The following SLC41A2 variants were observed in gnomAD, a reference collection of about 807,000 sequenced individuals.
SLC41A2 encodes solute carrier family 41 member 2, also known as SLC41A1-like 1.
Under a neutral mutation model 58.3 loss-of-function variants are expected in SLC41A2, and 32 were observed. That is an observed-to-expected ratio of 0.55 (90% CI 0.41 to 0.74). SLC41A2 has a LOEUF of 0.74. Ranked by LOEUF, SLC41A2 falls within the 30% of genes least tolerant of loss-of-function variation. The pLI, the probability that SLC41A2 is intolerant of heterozygous loss-of-function variation, is 0.00. For missense variants in SLC41A2, 514 were observed against 680.6 expected, an observed-to-expected ratio of 0.76 and a Z score of 2.72; for synonymous variants, 190 against 235.0, an observed-to-expected ratio of 0.81 and a Z score of 1.75.
chr12:104,832,148 A>T (rs1294330851), intron 10 of SLC41A2, among the ~76,000 whole-genome samples: 1 of 152,198 alleles, frequency 6.6e-6, no homozygotes. Flanking sequence ...CTATTAACCC[A>T]AGATTCTCAG....
chr12:104,910,136 C>G (rs2046019572), intron 2 of SLC41A2, among the ~76,000 whole-genome samples: 1 of 152,150 alleles, frequency 6.6e-6, no homozygotes, highest in Non-Finnish European at 1.5e-5. Flanking sequence ...AATCTTGCTT[C>G]CAATACTAAT....
intron 1 of SLC41A2, among the ~76,000 whole-genome samples, chr12:104,944,772 T>C (rs1409045801): frequency 6.6e-6 from 1 of 152,154 alleles, no homozygotes; most frequent in Non-Finnish European, 1.5e-5. Flanking sequence ...ACTACCCTTC[T>C]TTCCCAGATT....
intron 8 of SLC41A2, among the ~76,000 whole-genome samples, chr12:104,856,091 C>A (rs2043011205): frequency 6.6e-6 from 1 of 152,164 alleles, no homozygotes; most frequent in Admixed American, 6.5e-5. Context: ...TAAGCATCTG[C>A]ATTTCTAATA....
intron 1 of SLC41A2, among the ~76,000 whole-genome samples, chr12:104,929,794 G>T (rs960145292): frequency 6.6e-6 from 1 of 152,212 alleles, no homozygotes; most frequent in Non-Finnish European, 1.5e-5. Flanking sequence ...ACTGGACTGC[G>T]TTCCTGCCAA....
At chr12:104,851,759 G>T (rs1458775038) in intron 8 of SLC41A2, 3 of 152,198 alleles carry the variant, frequency 2.0e-5, no homozygotes, top group East Asian at 1.9e-4. Flanking sequence ...GAAGTTAGAG[G>T]TGACTATCTT....
intron 10 of SLC41A2, among the ~76,000 whole-genome samples, chr12:104,817,793 G>A (rs758507430): frequency 7.9e-5 from 12 of 151,236 alleles, no homozygotes; most frequent in Admixed American, 2.0e-4. Context: ...GATAACTAGC[G>A]TACACACTAG....
intron 4 of SLC41A2, among the ~76,000 whole-genome samples, chr12:104,892,521 G>A (rs778458715): frequency 4.0e-5 from 6 of 151,826 alleles, no homozygotes; most frequent in African/African-American, 1.5e-4. Flanking sequence ...TAACATTTAT[G>A]TGGGATCACA....
At chr12:104,818,639 G>C (rs997132741) in intron 10 of SLC41A2, among the ~76,000 whole-genome samples, 2 of 152,158 alleles carry the variant, frequency 1.3e-5, no homozygotes. Flanking sequence ...AACACTTTGG[G>C]AGGCTGAGGT....
chr12:104,915,836 C>T (rs2046294809), intron 2 of SLC41A2, among the ~76,000 whole-genome samples: 1 of 152,296 alleles, frequency 6.6e-6, no homozygotes, highest in Non-Finnish European at 1.5e-5. Context: ...GAGGGCATCC[C>T]TGTCTTGTGA....
chr12:104,946,016 C>A (rs750316012), intron 1 of SLC41A2, among the ~76,000 whole-genome samples: 2 of 152,118 alleles, frequency 1.3e-5, no homozygotes, highest in Admixed American at 6.5e-5. Context: ...GTATGATTTT[C>A]CCCCATGAAT....
At chr12:104,824,858 C>A (rs1175331538) in intron 10 of SLC41A2, among the ~76,000 whole-genome samples, 1 of 152,170 alleles carries the variant, frequency 6.6e-6, no homozygotes, top group Non-Finnish European at 1.5e-5. Context: ...ACCTTTTCAA[C>A]TGGGGGCTCA....
chr12:104,886,239 T>C, intron 6 of SLC41A2, 54 bp downstream of exon 6: 1 of 1,576,212 alleles, frequency 6.3e-7, no homozygotes, highest in Non-Finnish European at 8.7e-7. Context: ...TGCAACAATA[T>C]TTATTTAAAG....
intron 10 of SLC41A2, among the ~76,000 whole-genome samples, chr12:104,840,890 C>T (rs1280301101): frequency 1.3e-5 from 2 of 151,958 alleles, no homozygotes; most frequent in Admixed American, 6.6e-5. Context: ...TTTAAGTTGG[C>T]TTTTTACTTT....
In SLC41A2 at chr12:104,928,060, A is replaced by G. The variant is rs2046912853; in HGVS notation, c.468T>C (p.Ser156=). Residue 156 remains serine (S), a synonymous_variant, in exon 2 of 11, where the codon AGT becomes AGC. Coordinates refer to ENST00000258538, the MANE Select transcript of SLC41A2 (RefSeq NM_001352171.3). ...EVTPKLPKES[S]GIMALQILVP... is the part of the protein sequence containing the mutation. ...CAAGTATTTGCAATGCCATGATGCC[A>G]CTGGATTCCTTTGGTAATTTTGGGG... The G allele has an allele frequency of 6.2e-7, 1 of 1,614,080 alleles. No individual in the cohort carries two copies. Among genetic ancestry groups the G allele is most frequent in the Admixed American group, 1.7e-5 (1 of 60,004 alleles).
At chr12:104,920,674 C>T (rs2046553086) in intron 2 of SLC41A2, among the ~76,000 whole-genome samples, 1 of 152,034 alleles carries the variant, frequency 6.6e-6, no homozygotes, top group African/African-American at 2.4e-5. Context: ...CCTGTAATCC[C>T]AGCACTTTGG....
chr12:104,846,316 A>C, intron 8 of SLC41A2, among the ~76,000 whole-genome samples: 1 of 152,212 alleles, frequency 6.6e-6, no homozygotes, highest in East Asian at 1.9e-4. Flanking sequence ...GGACTTACTC[A>C]AATAGATAAA....
chr12:104,830,891 C>T (rs1435857504), intron 10 of SLC41A2, among the ~76,000 whole-genome samples: 1 of 152,112 alleles, frequency 6.6e-6, no homozygotes, highest in African/African-American at 2.4e-5. Flanking sequence ...TTTTAAAAAA[C>T]CTTTTATGCC....
rs568110430 is a variant in SLC41A2, at chr12:104,906,092, G to T, written c.663+3563C>A. On this transcript the variant is annotated intron_variant, in intron 3 of 10. Coordinates refer to ENST00000258538, the MANE Select transcript of SLC41A2 (RefSeq NM_001352171.3). ...TGTCACCTCTCAAGACTACATAAAAGTTTTTTTGTTTTTTCTTCTTAAAGA... is the reference window on the plus strand; with the variant it reads ...TGTCACCTCTCAAGACTACATAAAATTTTTTTTGTTTTTTCTTCTTAAAGA... 3.4e-3 allele frequency among the ~76,000 whole-genome samples: 518 copies of T among 152,294 alleles called. 2 individuals are homozygous for T. Among genetic ancestry groups the T allele is most frequent in the African/African-American group, 0.012 (481 of 41,572 alleles).
At chr12:104,956,870 C>A (rs1565929893) in intron 1 of SLC41A2, among the ~76,000 whole-genome samples, 1 of 152,140 alleles carries the variant, frequency 6.6e-6, no homozygotes, top group Non-Finnish European at 1.5e-5. Context: ...TCCACACTCA[C>A]TACGATGGCT....
Sources: allele counts gnomAD v4.1 joint callset (sites outside exome capture counted in the v4.1 genomes callset), GRCh38; gene constraint gnomAD v4.1.1; transcripts MANE v1.5; gene names NCBI Gene and HGNC (gene_info 2026-07-23, HGNC 2026-07-21).